The following PTCHD4 variants were observed in gnomAD, a reference collection of about 807,000 sequenced individuals.
The protein encoded by PTCHD4 is patched domain-containing protein 4.
Under a neutral mutation model 58.1 loss-of-function variants are expected in PTCHD4, and 33 were observed. That is an observed-to-expected ratio of 0.57 (90% CI 0.43 to 0.76). The LOEUF is 0.76. Ranked by LOEUF, PTCHD4 falls within the 30% of genes least tolerant of loss-of-function variation. The probability of loss-of-function intolerance (pLI) is 0.00; values close to 1 mark genes in which losing one functional copy is unlikely to be tolerated. For synonymous variants in PTCHD4, 478 were observed against 409.6 expected (o/e 1.17, Z -2.02); for missense variants, 1,058 against 1,027.1 (o/e 1.03, Z -0.41).
chr6:48,041,057 T>C (rs980645859), intron 3 of PTCHD4, among the ~76,000 whole-genome samples: 1 of 152,204 alleles, frequency 6.6e-6, no homozygotes, highest in Admixed American at 6.6e-5. Context: ...AATCCAAATA[T>C]TCAGTAAGTA....
intron 4 of PTCHD4, among the ~76,000 whole-genome samples, chr6:47,885,343 C>T (rs1381069573): frequency 2.0e-5 from 3 of 151,980 alleles, no homozygotes; most frequent in African/African-American, 7.3e-5. Context: ...CAAATGAAAG[C>T]AATTAGAAGC....
chr6:47,900,697 T>C (rs1340585893), intron 4 of PTCHD4: 3 of 152,252 alleles, frequency 2.0e-5, no homozygotes, highest in Non-Finnish European at 4.4e-5. Context: ...CTTCTATTAC[T>C]AGTTTGTTGA....
chr6:47,987,160 G>C (rs1342999500), intron 4 of PTCHD4, among the ~76,000 whole-genome samples: 1 of 147,874 alleles, frequency 6.8e-6, no homozygotes, highest in African/African-American at 2.5e-5. Context: ...TTGGGTTAGA[G>C]GCAGTAAATA....
At chr6:48,032,659 C>T (rs1763491036) in intron 3 of PTCHD4, among the ~76,000 whole-genome samples, 1 of 151,994 alleles carries the variant, frequency 6.6e-6, no homozygotes, top group Non-Finnish European at 1.5e-5. Flanking sequence ...TTAAGTTGTT[C>T]AATAAGTCCA....
chr6:47,979,176 T>G (rs1767794720), intron 4 of PTCHD4, among the ~76,000 whole-genome samples: 1 of 152,090 alleles, frequency 6.6e-6, no homozygotes, highest in Non-Finnish European at 1.5e-5. Context: ...GGGATGGTTG[T>G]GGGGATAGGG....
chr6:48,016,609 T>C (rs1762877453), intron 3 of PTCHD4, among the ~76,000 whole-genome samples: 1 of 151,888 alleles, frequency 6.6e-6, no homozygotes, highest in Non-Finnish European at 1.5e-5. Context: ...ACATTATCTC[T>C]CCAGCAGCAG....
At chr6:47,962,445 A>G (rs1046940927) in intron 4 of PTCHD4, among the ~76,000 whole-genome samples, 7 of 152,140 alleles carry the variant, frequency 4.6e-5, no homozygotes, top group Non-Finnish European at 1.0e-4. Context: ...TGTAATCCCC[A>G]TAATCCCCAA....
chr6:47,934,113 G>C (rs1396371114), intron 4 of PTCHD4, among the ~76,000 whole-genome samples: 1 of 151,970 alleles, frequency 6.6e-6, no homozygotes, highest in Non-Finnish European at 1.5e-5. Flanking sequence ...CAGCCAGGTG[G>C]GAGGGGGTCC....
intron 3 of PTCHD4, among the ~76,000 whole-genome samples, chr6:48,034,823 T>G (rs141994412): frequency 6.6e-6 from 1 of 152,202 alleles, no homozygotes; most frequent in Non-Finnish European, 1.5e-5. Context: ...AAAAAATGAT[T>G]AAGAGATAAA....
chr6:48,109,877 A>C (rs1275203890), intron 1 of PTCHD4, among the ~76,000 whole-genome samples: 2 of 152,122 alleles, frequency 1.3e-5, no homozygotes, highest in African/African-American at 4.8e-5. Context: ...AACCACTATG[A>C]AATATTTCCT....
At chr6:47,902,255 T>C (rs921807390) in intron 4 of PTCHD4, among the ~76,000 whole-genome samples, 4 of 152,226 alleles carry the variant, frequency 2.6e-5, no homozygotes, top group Non-Finnish European at 4.4e-5. Flanking sequence ...AACATTCACA[T>C]GCTCTGGGTT....
chr6:47,878,219 C>T lies in PTCHD4; in HGVS notation c.*84G>A. On this transcript the variant is annotated 3_prime_UTR_variant, in exon 5 of 5. Transcript: ENST00000339488. ...ACTTGCCTTGTTACCCCTGGCCAGC[C>T]CAAGCAGCTGAGGTCTGAGCTTTAC... 7.6e-7 allele frequency: 1 copy of T among 1,309,802 alleles called. No individual in the cohort carries two copies. The highest frequency in any genetic ancestry group is 1.1e-6 in the Non-Finnish European group (1 of 950,776). 81.1% of individuals were successfully genotyped at this position (1,309,802 alleles called of 1,614,324 possible). A position where few individuals can be genotyped will look rare whatever the true frequency, so the allele number is the denominator to read the frequency against.
intron 4 of PTCHD4, among the ~76,000 whole-genome samples, chr6:47,959,517 A>G (rs1767000000): frequency 6.6e-6 from 1 of 152,160 alleles, no homozygotes; most frequent in African/African-American, 2.4e-5. Flanking sequence ...AAAATGTAGT[A>G]GCCAAAGGTC....
chr6:48,027,474 A>C (rs1047567652), intron 3 of PTCHD4, among the ~76,000 whole-genome samples: 16 of 152,136 alleles, frequency 1.1e-4, no homozygotes. Flanking sequence ...GCTTGAGATG[A>C]TGGGTAGCTT....
chr6:48,070,143 GTGTGTGTGTGTGTA>G (rs2113883233), intron 1 of PTCHD4, among the ~76,000 whole-genome samples: 1 of 147,808 alleles, frequency 6.8e-6, no homozygotes, highest in African/African-American at 2.5e-5. Flanking sequence ...GTGTGTGTGT[GTGTGTGTGTGTGTA>G]TATATATATA....
At chr6:47,932,537 A>G (rs1765860901) in intron 4 of PTCHD4, among the ~76,000 whole-genome samples, 2 of 152,242 alleles carry the variant, frequency 1.3e-5, no homozygotes, top group Admixed American at 1.3e-4. Context: ...CCTAAAAGGT[A>G]CATGGTGTGA....
chr6:48,055,521 TA>T (rs1180117049), intron 3 of PTCHD4, among the ~76,000 whole-genome samples: 1 of 152,198 alleles, frequency 6.6e-6, no homozygotes, highest in African/African-American at 2.4e-5. Flanking sequence ...AGAGATACTC[TA>T]ATAAGATGTG....
At chr6:48,066,151 C>G (rs1764788338) in intron 3 of PTCHD4, among the ~76,000 whole-genome samples, 1 of 151,212 alleles carries the variant, frequency 6.6e-6, no homozygotes, top group Non-Finnish European at 1.5e-5. Flanking sequence ...ACTACTACTG[C>G]TAAGCCTCAC....
At chr6:48,073,298 T>A (rs997430132) in intron 1 of PTCHD4, among the ~76,000 whole-genome samples, 6 of 152,226 alleles carry the variant, frequency 3.9e-5, no homozygotes, top group Non-Finnish European at 8.8e-5. Flanking sequence ...TTTTGCAGGA[T>A]GAGACACCAG....
Sources: gnomAD v4.1 joint callset for allele counts (sites outside exome capture counted in the v4.1 genomes callset) on GRCh38, gnomAD v4.1.1 for gene constraint, MANE v1.5 for transcripts, NCBI Gene and HGNC (gene_info 2026-07-23, HGNC 2026-07-21) for gene names.